TSGA10: variants seen among roughly 807,000 people sequenced by gnomAD.
TSGA10 encodes testis-specific gene 10 protein.
In TSGA10, 43 loss-of-function variants were observed where a neutral mutation model predicts 96.6. The ratio of observed to expected loss-of-function variants is 0.44; its 90% confidence interval spans 0.35 to 0.57. The LOEUF (loss-of-function observed/expected upper bound fraction) is 0.57, where lower values mean the gene tolerates loss of function less well. TSGA10 is among the 20% of genes least tolerant of loss of function. The pLI is 0.01. For missense variants in TSGA10, 703 were observed against 834.4 expected, an observed-to-expected ratio of 0.84 and a Z score of 1.94; for synonymous variants, 229 against 269.9, an observed-to-expected ratio of 0.85 and a Z score of 1.48.
At position 99,020,457 on chromosome 2, in the gene TSGA10, T is replaced by C; in HGVS notation, c.1640A>G (p.His547Arg). ...ACTCCTCAGGAGTTCAATTTCAGAA[T>C]GAGCAGAATCTAACTCATTCTCCCT... ...EMRENELDSA[H>R]SEIELLRSQM... Residue 547 changes from histidine (H) to arginine (R), a missense_variant, in exon 18 of 21, where the codon CAT becomes CGT. By Grantham distance (29) the His-to-Arg change is conservative. Coordinates refer to ENST00000393483, the MANE Select transcript of TSGA10 (RefSeq NM_025244.4). The C allele has an allele frequency of 6.2e-7, 1 of 1,613,300 alleles. No homozygotes were observed. Among genetic ancestry groups the C allele is most frequent in the Non-Finnish European group, 8.5e-7 (1 of 1,179,420 alleles).
rs879799854 is a variant in TSGA10, at chr2:99,038,070, G to GA, written c.1405-2632dup. On this transcript the variant is annotated intron_variant, in intron 16 of 20. Transcript: ENST00000393483. ...TCCAGTGAAACTAAGCTTCAAAAAT[G>GA]AAAAAAAAAAAAGTTTTTTTTCAGA... is the stretch of plus-strand genomic sequence containing the variant. Among the ~76,000 whole-genome samples, 113 of 137,722 alleles carry GA rather than the reference G, an allele frequency of 8.2e-4. No individual in the cohort carries two copies. In the Middle Eastern group the frequency reaches 0.011, roughly 13 times the overall value. The allele number at this position is 137,722 out of a possible 152,430, so 90.4% of individuals were successfully genotyped here. A position where few individuals can be genotyped will look rare whatever the true frequency, so the allele number is the denominator to read the frequency against.
chr2:99,024,061 G>A (rs1028182953), intron 17 of TSGA10, among the ~76,000 whole-genome samples: 7 of 151,650 alleles, frequency 4.6e-5, no homozygotes, highest in Non-Finnish European at 1.0e-4. Context: ...AATTTCTGTT[G>A]ACAATGTTCT....
intron 1 of TSGA10, among the ~76,000 whole-genome samples, chr2:99,144,395 A>G (rs2093610525): frequency 6.6e-6 from 1 of 150,834 alleles, no homozygotes; most frequent in Non-Finnish European, 1.5e-5. Context: ...GTCCATTCAT[A>G]GGGCTCACTT....
chr2:99,054,869 A>G (rs1400483232), intron 16 of TSGA10, among the ~76,000 whole-genome samples: 3 of 152,234 alleles, frequency 2.0e-5, no homozygotes, highest in African/African-American at 7.2e-5. Context: ...GTTGGTGAGG[A>G]TATGGAGAAA....
intron 12 of TSGA10, among the ~76,000 whole-genome samples, 172 bp from the exon 13 acceptor site, chr2:99,073,245 T>C (rs2086194195): frequency 6.6e-6 from 1 of 152,228 alleles, no homozygotes; most frequent in African/African-American, 2.4e-5. Flanking sequence ...ATGTGAATAT[T>C]TGCACTGGGT....
At chr2:99,077,017 C>T (rs147309542) in intron 12 of TSGA10, among the ~76,000 whole-genome samples, 1 of 151,846 alleles carries the variant, frequency 6.6e-6, no homozygotes, top group African/African-American at 2.4e-5. Flanking sequence ...TGCCCAATTC[C>T]AACAACACAT....
intron 10 of TSGA10, among the ~76,000 whole-genome samples, chr2:99,086,230 G>A (rs1000536203): frequency 5.9e-5 from 9 of 152,094 alleles, no homozygotes; most frequent in African/African-American, 2.2e-4. Flanking sequence ...GTATTCTTTT[G>A]TGGAAAAAAA....
intron 12 of TSGA10, among the ~76,000 whole-genome samples, chr2:99,074,348 T>TTGTGTGTGTGTGTGTG (rs1395971094): frequency 2.3e-5 from 2 of 86,956 alleles, no homozygotes; most frequent in Non-Finnish European, 4.2e-5. Flanking sequence ...TTACACATAT[T>TTGTGTGTGTGTGTGTG]TGCGTGTGTG....
chr2:99,095,273 T>C (rs1271283388), intron 10 of TSGA10, among the ~76,000 whole-genome samples: 1 of 152,024 alleles, frequency 6.6e-6, no homozygotes, highest in African/African-American at 2.4e-5. Context: ...GGGTGAGGGA[T>C]AAAAGACTAT....
intron 1 of TSGA10, chr2:99,150,750 C>A (rs1302340257): frequency 6.2e-7 from 1 of 1,613,698 alleles, no homozygotes; most frequent in South Asian, 1.1e-5. Flanking sequence ...AAGGGACTGG[C>A]ACAGGATCTC....
intron 16 of TSGA10, among the ~76,000 whole-genome samples, chr2:99,064,619 T>C (rs2085058595): frequency 6.6e-6 from 1 of 152,162 alleles, no homozygotes; most frequent in Admixed American, 6.5e-5. Context: ...CAAGGAGACA[T>C]TTGAAGCAAA....
At chr2:99,046,333 C>G (rs561637655) in intron 16 of TSGA10, among the ~76,000 whole-genome samples, 1 of 152,286 alleles carries the variant, frequency 6.6e-6, no homozygotes, top group East Asian at 1.9e-4. Flanking sequence ...GTAAAGCACT[C>G]CTTAGCAAAT....
In TSGA10 at chr2:99,061,813, T is replaced by C. The variant is rs1275989521; in HGVS notation, c.1404+3126A>G. ...CCCCTAGTGTGACTATATTTGGAGA[T>C]AGGACCTTTAAAGAGGTAATTAAGG... On this transcript the variant is annotated intron_variant, in intron 16 of 20. Coordinates refer to ENST00000393483, the MANE Select transcript of TSGA10 (RefSeq NM_025244.4). Among the ~76,000 whole-genome samples, 4 of 152,288 alleles carry C rather than the reference T, an allele frequency of 2.6e-5. No homozygotes were observed. In the East Asian group the frequency reaches 5.8e-4, roughly 22 times the overall value.
chr2:99,137,214 G>C (rs2105073075), intron 1 of TSGA10, among the ~76,000 whole-genome samples: 2 of 152,142 alleles, frequency 1.3e-5, no homozygotes, highest in Admixed American at 1.3e-4. Context: ...CCAGGCTGGT[G>C]TTAAACTCCT....
chr2:99,011,292 T>C (rs567507394), intron 20 of TSGA10, among the ~76,000 whole-genome samples: 254 of 152,236 alleles, frequency 1.7e-3, no homozygotes, highest in Admixed American at 4.7e-3. Context: ...GCCACCCACC[T>C]GGCTAATTTT....
intron 1 of TSGA10, among the ~76,000 whole-genome samples, chr2:99,130,544 G>A (rs1277540784): frequency 6.6e-6 from 1 of 152,158 alleles, no homozygotes; most frequent in Non-Finnish European, 1.5e-5. Flanking sequence ...CAGATGGGTA[G>A]ATTGCAAATA....
At chr2:99,020,115 A>T (rs1261892415) in intron 18 of TSGA10, among the ~76,000 whole-genome samples, 165 bp downstream of exon 18, 1 of 152,200 alleles carries the variant, frequency 6.6e-6, no homozygotes, top group Non-Finnish European at 1.5e-5. Context: ...AATTTAGATA[A>T]GAAAAACATA....
Position 99,108,816 on chromosome 2 carries a change from GT to G in TSGA10, c.210+16del. On this transcript the variant is annotated intron_variant, in intron 7 of 20. Transcript: ENST00000393483. ...CTCAATGTTATTACTTATATAATTT[GT>G]TTTTTGTAAGTTTACCTGTTCATAA... The G allele has an allele frequency of 6.6e-7, 1 of 1,512,496 alleles. No individual in the cohort carries two copies. Among genetic ancestry groups the G allele is most frequent in the Non-Finnish European group, 8.8e-7 (1 of 1,133,162 alleles). 93.7% of individuals were successfully genotyped at this position (1,512,496 alleles called of 1,614,324 possible).
intron 4 of TSGA10, among the ~76,000 whole-genome samples, chr2:99,115,522 C>A (rs536150116): frequency 9.2e-5 from 14 of 151,962 alleles, no homozygotes; most frequent in Admixed American, 2.6e-4. Context: ...TTCTAAGGAC[C>A]TGTTCCAGAC....
Sources: allele counts gnomAD v4.1 joint callset (sites outside exome capture counted in the v4.1 genomes callset), GRCh38; gene constraint gnomAD v4.1.1; transcripts MANE v1.5; gene names NCBI Gene and HGNC (gene_info 2026-07-23, HGNC 2026-07-21).